XKR3: variants seen among roughly 807,000 people sequenced by gnomAD.
XKR3 encodes XK-related protein 3.
XKR3 carries 27 observed loss-of-function variants against 40.3 expected under a neutral mutation model. That is an observed-to-expected ratio of 0.67 (90% CI 0.49 to 0.92). The LOEUF is 0.92. Ranked by LOEUF, XKR3 falls within the 40% of genes least tolerant of loss-of-function variation. The probability of loss-of-function intolerance (pLI) is 0.00; values close to 1 mark genes in which losing one functional copy is unlikely to be tolerated. For synonymous variants in XKR3, 193 were observed against 195.4 expected, an observed-to-expected ratio of 0.99 and a Z score of 0.10; for missense variants, 472 against 537.6, an observed-to-expected ratio of 0.88 and a Z score of 1.21.
chr22:16,784,812 T>C (rs1478005804), intron 3 of XKR3, among the ~76,000 whole-genome samples: 2 of 152,212 alleles, frequency 1.3e-5, no homozygotes, highest in African/African-American at 4.8e-5. Context: ...TTCCATTCTT[T>C]ATAGAAAGTT....
chr22:16,823,067 G>A (rs1025364359), intron 1 of XKR3, among the ~76,000 whole-genome samples: 5 of 152,016 alleles, frequency 3.3e-5, no homozygotes, highest in African/African-American at 1.2e-4. Context: ...GTTTTTTGAG[G>A]AGATGGGGTT....
chr22:16,807,006 A>C (rs1255844388), intron 2 of XKR3, among the ~76,000 whole-genome samples: 1 of 152,206 alleles, frequency 6.6e-6, no homozygotes, highest in Non-Finnish European at 1.5e-5. Flanking sequence ...TATAAGTTTA[A>C]TTGGATAAAA....
chr22:16,787,324 G>C (rs2108584), intron 3 of XKR3, among the ~76,000 whole-genome samples: 62,086 of 151,772 alleles, frequency 0.41, 12,940 homozygotes, highest in Middle Eastern at 0.51. Flanking sequence ...TTTGGGAGGC[G>C]GAGGCGGGTG....
chr22:16,799,982 A>ATT lies in XKR3; in HGVS notation c.376_377dup (p.Asn126LysfsTer44), dbSNP rs2060161582. ...GAGTCTCTTCCTTCTCCTGTTTAAG[A>ATT]TTTTTCAACCATTTGTGGTAATTTC... On this transcript the variant is annotated frameshift_variant, in exon 3 of 4. Coordinates refer to ENST00000684488, the MANE Select transcript of XKR3 (RefSeq NM_001386955.1). LOFTEE classifies it high-confidence loss of function. 2 of 1,613,938 alleles carry ATT rather than the reference A, an allele frequency of 1.2e-6. No individual in the cohort carries two copies. Among genetic ancestry groups the ATT allele is most frequent in the African/African-American group, 2.7e-5 (2 of 74,908 alleles).
intron 1 of XKR3, among the ~76,000 whole-genome samples, chr22:16,814,792 G>A (rs1412154755): frequency 6.6e-6 from 1 of 151,884 alleles, no homozygotes; most frequent in Admixed American, 6.6e-5. Context: ...GTATATAATT[G>A]ACTTTTGTAT....
chr22:16,788,765 T>A, intron 3 of XKR3, among the ~76,000 whole-genome samples: 1 of 152,262 alleles, frequency 6.6e-6, no homozygotes. Context: ...AACTGAGTTA[T>A]AATGCACATT....
intron 1 of XKR3, among the ~76,000 whole-genome samples, chr22:16,817,281 T>A (rs2060237640): frequency 6.6e-6 from 1 of 152,102 alleles, no homozygotes; most frequent in South Asian, 2.1e-4. Flanking sequence ...AATCTTTAAA[T>A]TCAACTTTTT....
At chr22:16,786,937 C>T (rs2146139445) in intron 3 of XKR3, among the ~76,000 whole-genome samples, 1 of 152,184 alleles carries the variant, frequency 6.6e-6, no homozygotes, top group Middle Eastern at 3.4e-3. Flanking sequence ...AAGAGATGGG[C>T]ATGGACACAT....
At chr22:16,809,588 C>A (rs955707458) in intron 1 of XKR3, among the ~76,000 whole-genome samples, 1 of 152,160 alleles carries the variant, frequency 6.6e-6, no homozygotes, top group Non-Finnish European at 1.5e-5. Flanking sequence ...ACCCTAATTG[C>A]TAAATGTAAT....
chr22:16,801,214 T>C (rs1015103907), intron 2 of XKR3, among the ~76,000 whole-genome samples: 1 of 150,582 alleles, frequency 6.6e-6, no homozygotes, highest in Non-Finnish European at 1.5e-5. Flanking sequence ...GGAAGTCTTA[T>C]ATATCCTAGG....
intron 3 of XKR3, among the ~76,000 whole-genome samples, chr22:16,784,816 G>A (rs1245555722): frequency 2.0e-5 from 3 of 152,162 alleles, no homozygotes; most frequent in Non-Finnish European, 4.4e-5. Flanking sequence ...ATTCTTTATA[G>A]AAAGTTAAGA....
chr22:16,799,729 T>C (rs768486952), intron 3 of XKR3, 42 bp downstream of exon 3: 7 of 1,605,212 alleles, frequency 4.4e-6, no homozygotes, highest in Admixed American at 3.4e-5. Flanking sequence ...GTACACTTTA[T>C]TGACCTTTGT....
intron 3 of XKR3, among the ~76,000 whole-genome samples, chr22:16,795,535 A>G (rs1418784464): frequency 6.6e-6 from 1 of 152,166 alleles, no homozygotes; most frequent in Admixed American, 6.5e-5. Flanking sequence ...CTAGCAGAAG[A>G]AAATAACTAA....
Position 16,801,155 on chromosome 22 carries a change from G to A in XKR3, c.336-1131C>T, listed in dbSNP as rs181403882. Among the ~76,000 whole-genome samples the A allele has an allele frequency of 9.4e-3, 1,428 of 152,234 alleles. 9 individuals carry two copies. The highest frequency in any genetic ancestry group is 0.014 in the Middle Eastern group (4 of 294). ...GAAGTGGCAGTATTTTTAAAATAAT[G>A]ACTAGAAAAAGAGTTTCAAATTGTT... On this transcript the variant is annotated intron_variant, in intron 2 of 3. Transcript: ENST00000684488.
At chr22:16,785,804 C>T (rs773310386) in intron 3 of XKR3, among the ~76,000 whole-genome samples, 132 of 151,232 alleles carry the variant, frequency 8.7e-4, no homozygotes, top group Non-Finnish European at 1.4e-3. Flanking sequence ...ACCAGGATAG[C>T]GCCACTGGAC....
At chr22:16,819,405 G>A (rs990695015) in intron 1 of XKR3, among the ~76,000 whole-genome samples, 3 of 152,056 alleles carry the variant, frequency 2.0e-5, no homozygotes, top group Non-Finnish European at 2.9e-5. Context: ...ATTTGCCTAG[G>A]GATAGATTCA....
chr22:16,793,345 G>T (rs1331160936), intron 3 of XKR3, among the ~76,000 whole-genome samples: 2 of 152,202 alleles, frequency 1.3e-5, no homozygotes, highest in Admixed American at 6.5e-5. Flanking sequence ...ACATGATAGG[G>T]TAATGAAAAG....
intron 3 of XKR3, among the ~76,000 whole-genome samples, chr22:16,795,896 G>A (rs896876600): frequency 1.3e-5 from 2 of 152,102 alleles, no homozygotes; most frequent in African/African-American, 4.8e-5. Flanking sequence ...GAACCTGGGA[G>A]GTGGAAGTGT....
At chr22:16,792,534 G>A (rs2060124693) in intron 3 of XKR3, among the ~76,000 whole-genome samples, 1 of 152,196 alleles carries the variant, frequency 6.6e-6, no homozygotes, top group African/African-American at 2.4e-5. Flanking sequence ...TTGTTTTACT[G>A]CTGAAGGTCT....
Sources: gnomAD v4.1 joint callset for allele counts (sites outside exome capture counted in the v4.1 genomes callset) on GRCh38, gnomAD v4.1.1 for gene constraint, MANE v1.5 for transcripts, NCBI Gene and HGNC (gene_info 2026-07-23, HGNC 2026-07-21) for gene names.